SLC16A9: variants seen among roughly 807,000 people sequenced by gnomAD.
The protein encoded by SLC16A9 is solute carrier family 16 member 9.
In SLC16A9, 26 loss-of-function variants were observed where a neutral mutation model predicts 44.3. That is an observed-to-expected ratio of 0.59 (90% confidence interval 0.43 to 0.81). The LOEUF (loss-of-function observed/expected upper bound fraction) is 0.81, where lower values mean the gene tolerates loss of function less well. SLC16A9 is among the 40% of genes least tolerant of loss of function. The probability of loss-of-function intolerance (pLI) is 0.00; values close to 1 mark genes in which losing one functional copy is unlikely to be tolerated. For synonymous variants in SLC16A9, 230 were observed against 225.1 expected (o/e 1.02, Z -0.19); for missense variants, 559 against 595.8 (o/e 0.94, Z 0.64).
At chr10:59,678,220 G>A (rs1839902249) in intron 2 of SLC16A9, among the ~76,000 whole-genome samples, 1 of 152,002 alleles carries the variant, frequency 6.6e-6, no homozygotes, top group Non-Finnish European at 1.5e-5. Flanking sequence ...TTATGGACCT[G>A]CCATGCAGCA....
At position 59,654,502 on chromosome 10, in the gene SLC16A9, C is replaced by T. The variant is rs1346809008; in HGVS notation, c.524G>A (p.Gly175Asp). 6.2e-7 allele frequency: 1 copy of T among 1,611,258 alleles called. No individual in the cohort carries two copies. The highest frequency in any genetic ancestry group is 1.1e-5 in the South Asian group (1 of 91,080). Residue 175 changes from glycine to aspartate, a missense_variant, in exon 5 of 6, where the codon GGT becomes GAT. Physicochemically the swap from Gly to Asp is moderately conservative, Grantham distance 94. Transcript: ENST00000395348. ...YGLDGCLLIV[G>D]ALALNILACG... is the part of the protein sequence containing the mutation. ...GGCTAATATATTTAAAGCTAAAGCA[C>T]CCACAATCAGCAAGCATCCATCCAG... is the stretch of plus-strand genomic sequence containing the variant.
At chr10:59,673,542 T>C (rs1839797350) in intron 2 of SLC16A9, among the ~76,000 whole-genome samples, 1 of 152,324 alleles carries the variant, frequency 6.6e-6, no homozygotes, top group Middle Eastern at 3.4e-3. Context: ...AATAAGCTGT[T>C]CAAGTCAATG....
At chr10:59,677,916 A>C (rs1359822651) in intron 2 of SLC16A9, among the ~76,000 whole-genome samples, 2 of 151,652 alleles carry the variant, frequency 1.3e-5, no homozygotes, top group East Asian at 3.9e-4. Flanking sequence ...TTTAAGTTTT[A>C]GGGTACATGT....
intron 1 of SLC16A9, among the ~76,000 whole-genome samples, chr10:59,699,654 G>A (rs1472237049): frequency 6.6e-6 from 1 of 151,954 alleles, no homozygotes; most frequent in Non-Finnish European, 1.5e-5. Context: ...TTAGCCCAGT[G>A]CCTGGCACAT....
At chr10:59,659,380 A>C (rs1222692552) in intron 4 of SLC16A9, among the ~76,000 whole-genome samples, 1 of 152,050 alleles carries the variant, frequency 6.6e-6, no homozygotes, top group Non-Finnish European at 1.5e-5. Context: ...CTTTTCTCCT[A>C]TCTTTAAAGA....
At chr10:59,700,741 C>G (rs180788290) in intron 1 of SLC16A9, among the ~76,000 whole-genome samples, 110 of 152,338 alleles carry the variant, frequency 7.2e-4, no homozygotes, top group African/African-American at 2.6e-3. Flanking sequence ...CATTCCTCTA[C>G]TCAGTGATTT....
intron 2 of SLC16A9, among the ~76,000 whole-genome samples, chr10:59,679,633 T>C (rs562853119): frequency 6.6e-5 from 10 of 152,356 alleles, no homozygotes; most frequent in Admixed American, 5.9e-4. Flanking sequence ...TAAGTGACTA[T>C]GCACTTTATT....
intron 3 of SLC16A9, among the ~76,000 whole-genome samples, chr10:59,669,073 T>C (rs938077314): frequency 1.3e-5 from 2 of 152,070 alleles, no homozygotes; most frequent in Non-Finnish European, 2.9e-5. Flanking sequence ...ATGGAATTCT[T>C]CCAAAAATCA....
chr10:59,653,592 A>G (rs1300332535), intron 5 of SLC16A9, 83 bp downstream of exon 5: 1 of 1,145,310 alleles, frequency 8.7e-7, no homozygotes, highest in Non-Finnish European at 1.2e-6. Flanking sequence ...AATCTGTGCT[A>G]CTATTACAAT....
chr10:59,654,151 T>C lies in SLC16A9; in HGVS notation c.875A>G (p.Asn292Ser). 6.2e-7 allele frequency: 1 copy of C among 1,614,064 alleles called. No homozygotes were observed. Among genetic ancestry groups the C allele is most frequent in the South Asian group, 1.1e-5 (1 of 91,070 alleles). The change falls in exon 5 of 6, where the codon AAC becomes AGC. Residue 292 changes from asparagine to serine, a missense_variant. Asn to Ser is a conservative substitution (Grantham distance 46). Transcript: ENST00000395348. ...LAKRKWQLYK[N>S]YCGETVALFK... ...AAGAGCCACAGTTTCACCACAGTAG[T>C]TTTTATATAACTGCCACTTCCTCTT...
rs1398158144 is a variant in SLC16A9, at chr10:59,651,995, A to T, written c.*777T>A. On this transcript the variant is annotated 3_prime_UTR_variant, in exon 6 of 6. Transcript: ENST00000395348. Reference sequence around the variant, plus strand: ...AGGTAAAATTAGCACTTCCCAGGAAACATCAGCTGAGTGGATGGCCAAGAA... The same window carrying T: ...AGGTAAAATTAGCACTTCCCAGGAATCATCAGCTGAGTGGATGGCCAAGAA... 6.6e-6 allele frequency: 1 copy of T among 152,212 alleles called. No homozygotes were observed. Among genetic ancestry groups the T allele is most frequent in the African/African-American group, 2.4e-5 (1 of 41,460 alleles). The allele number at this position is 152,212 out of a possible 1,614,324, so 9.4% of individuals were successfully genotyped here.
chr10:59,693,688 C>T (rs554324377), intron 1 of SLC16A9, among the ~76,000 whole-genome samples: 8 of 151,952 alleles, frequency 5.3e-5, no homozygotes, highest in African/African-American at 1.9e-4. Flanking sequence ...GGCGTGATCT[C>T]GGCTCACCGT....
intron 2 of SLC16A9, among the ~76,000 whole-genome samples, chr10:59,675,268 G>A (rs1839834379): frequency 6.6e-6 from 1 of 152,160 alleles, no homozygotes; most frequent in Non-Finnish European, 1.5e-5. Flanking sequence ...CCAATGACAG[G>A]TCTAAGGCCA....
At chr10:59,663,596 C>T (rs556834840) in intron 4 of SLC16A9, among the ~76,000 whole-genome samples, 38 of 135,452 alleles carry the variant, frequency 2.8e-4, no homozygotes, top group African/African-American at 9.2e-4. Flanking sequence ...CATCACACAC[C>T]AGGGCCTGTT....
chr10:59,672,455 A>T (rs1424836521), intron 3 of SLC16A9, among the ~76,000 whole-genome samples: 1 of 152,194 alleles, frequency 6.6e-6, no homozygotes, highest in African/African-American at 2.4e-5. Context: ...GAAGTGACAG[A>T]TGTCAATAAC....
chr10:59,683,812 G>C (rs575288145), intron 2 of SLC16A9, among the ~76,000 whole-genome samples: 1 of 152,162 alleles, frequency 6.6e-6, no homozygotes, highest in Admixed American at 6.6e-5. Context: ...CCATGTGTTT[G>C]CTGTTTATCT....
At chr10:59,662,745 A>G (rs1338787735) in intron 4 of SLC16A9, among the ~76,000 whole-genome samples, 2 of 152,118 alleles carry the variant, frequency 1.3e-5, no homozygotes, top group Non-Finnish European at 2.9e-5. Flanking sequence ...AATCAAAACC[A>G]CAATGAGATA....
intron 2 of SLC16A9, among the ~76,000 whole-genome samples, chr10:59,679,843 C>T (rs1052018760): frequency 1.3e-5 from 2 of 152,196 alleles, no homozygotes; most frequent in Non-Finnish European, 2.9e-5. Context: ...TTTGCATGGA[C>T]TTCCCTCTCC....
intron 4 of SLC16A9, among the ~76,000 whole-genome samples, chr10:59,657,785 C>T (rs1360849249): frequency 6.6e-6 from 1 of 152,166 alleles, no homozygotes; most frequent in Non-Finnish European, 1.5e-5. Context: ...TGTCCAATAA[C>T]CCAATGTGAT....
Sources: gnomAD v4.1 joint callset for allele counts (sites outside exome capture counted in the v4.1 genomes callset) on GRCh38, gnomAD v4.1.1 for gene constraint, MANE v1.5 for transcripts, NCBI Gene and HGNC (gene_info 2026-07-23, HGNC 2026-07-21) for gene names.